BAIAP2: variants seen among roughly 807,000 people sequenced by gnomAD.
BAIAP2 encodes the protein BAR/IMD domain containing adaptor protein 2.
A neutral mutation model predicts 63.0 loss-of-function variants in BAIAP2; 18 were observed. That is an observed-to-expected ratio of 0.29 (90% CI 0.20 to 0.42). BAIAP2 has a LOEUF of 0.42. Ranked by LOEUF, BAIAP2 falls within the 10% of genes least tolerant of loss-of-function variation. The pLI, the probability that BAIAP2 is intolerant of heterozygous loss-of-function variation, is 1.00. For synonymous variants in BAIAP2, 386 were observed against 307.6 expected (o/e 1.25, Z -2.67); for missense variants, 610 against 734.3 (o/e 0.83, Z 1.96).
At chr17:81,115,596 C>T (rs557795269) in intron 13 of BAIAP2, among the ~76,000 whole-genome samples, 174 bp from the exon 14 acceptor site, 3 of 152,326 alleles carry the variant, frequency 2.0e-5, no homozygotes, top group South Asian at 2.1e-4. Flanking sequence ...TTGCAGACAG[C>T]GCCTGGTCCT....
intron 7 of BAIAP2, among the ~76,000 whole-genome samples, chr17:81,100,887 C>T (rs1417458926): frequency 1.3e-5 from 2 of 152,204 alleles, no homozygotes; most frequent in African/African-American, 2.4e-5. Context: ...TCTACCACCT[C>T]TGCCTGCACC....
Position 81,115,945 on chromosome 17 carries a change from G to T in BAIAP2, c.*106G>T. On this transcript the variant is annotated 3_prime_UTR_variant, in exon 14 of 14. Coordinates refer to ENST00000428708, the MANE Select transcript of BAIAP2 (RefSeq NM_001144888.2). ...CCTGTGTAGAGAACATCCAGGCCCC[G>T]GCTGCCTGGTCTTGCCCCACTTGAG... 1 of 1,541,616 alleles carries T rather than the reference G, an allele frequency of 6.5e-7. No homozygotes were observed. Among genetic ancestry groups the T allele is most frequent in the African/African-American group, 1.4e-5 (1 of 73,636 alleles).
intron 3 of BAIAP2, among the ~76,000 whole-genome samples, chr17:81,080,969 C>T (rs1182268820): frequency 1.3e-5 from 2 of 152,214 alleles, no homozygotes; most frequent in South Asian, 2.1e-4. Context: ...AGGGGGCCGG[C>T]GACCTCGCAA....
At chr17:81,103,399 C>T (rs1468408478) in intron 7 of BAIAP2, 103 bp from the exon 8 acceptor site, 3 of 1,111,272 alleles carry the variant, frequency 2.7e-6, no homozygotes, top group African/African-American at 1.6e-5. Context: ...TGAAGAGCAG[C>T]CTCCAGCCCC....
At position 81,075,520 on chromosome 17, in the gene BAIAP2, CCTT is replaced by C. The variant is rs557838971; in HGVS notation, c.218-9309_218-9307del. 2.7e-3 allele frequency among the ~76,000 whole-genome samples: 410 copies of C among 152,346 alleles called. 2 individuals are homozygous for C. The highest frequency in any genetic ancestry group is 5.2e-3 in the Admixed American group (80 of 15,300). On this transcript the variant is annotated intron_variant, in intron 3 of 13. Coordinates refer to ENST00000428708, the MANE Select transcript of BAIAP2 (RefSeq NM_001144888.2). ...CTGTCTTCAGGGATGAGCAGTTAAT[CCTT>C]CTCGTTCATCTGCTCACTAGACGCG...
chr17:81,109,075 G>C (rs946036082), intron 13 of BAIAP2: 2 of 1,503,310 alleles, frequency 1.3e-6, no homozygotes, highest in African/African-American at 2.8e-5. Context: ...TTCCTCCTCA[G>C]CTCTCGCTGG....
At chr17:81,073,690 C>G (rs1302920652) in intron 3 of BAIAP2, among the ~76,000 whole-genome samples, 1 of 152,188 alleles carries the variant, frequency 6.6e-6, no homozygotes, top group East Asian at 1.9e-4. Context: ...CTCTGAGATT[C>G]ACGCTCTCTC....
intron 3 of BAIAP2, among the ~76,000 whole-genome samples, chr17:81,081,850 C>G (rs960558777): frequency 5.3e-5 from 8 of 152,186 alleles, no homozygotes; most frequent in Admixed American, 4.6e-4. Flanking sequence ...ATCGCTGGGC[C>G]CTGCCCCACT....
chr17:81,078,650 T>TGGGTGCTGTGGGTGC, intron 3 of BAIAP2, among the ~76,000 whole-genome samples: 1 of 150,670 alleles, frequency 6.6e-6, no homozygotes, highest in Middle Eastern at 3.4e-3. Flanking sequence ...ATCTCCGAGC[T>TGGGTGCTGTGGGTGC]GGGTGCTGTG....
intron 3 of BAIAP2, chr17:81,082,999 G>A (rs976545184): frequency 6.6e-6 from 1 of 152,448 alleles, no homozygotes; most frequent in Admixed American, 6.5e-5. Context: ...AGTGCTCAGA[G>A]GGTCTGTGGT....
chr17:81,072,632 C>T (rs957833936), intron 3 of BAIAP2, among the ~76,000 whole-genome samples: 41 of 152,218 alleles, frequency 2.7e-4, no homozygotes, highest in African/African-American at 8.4e-4. Flanking sequence ...GACCCAAGTC[C>T]GTGGGGTCTT....
chr17:81,086,682 G>C, intron 6 of BAIAP2, 102 bp downstream of exon 6: 6 of 1,364,396 alleles, frequency 4.4e-6, no homozygotes, highest in Non-Finnish European at 5.1e-6. Flanking sequence ...CCCCCCAGGT[G>C]CGATCAGACA....
intron 3 of BAIAP2, among the ~76,000 whole-genome samples, chr17:81,071,629 T>C (rs1329545240): frequency 1.3e-5 from 2 of 152,220 alleles, no homozygotes; most frequent in African/African-American, 4.8e-5. Context: ...CAGTGTCCAC[T>C]GGCCAAAAAG....
rs1022209128 is a variant in BAIAP2, at chr17:81,110,227, G to T, written c.1535+1718G>T. On this transcript the variant is annotated intron_variant, in intron 13 of 13. Transcript: ENST00000428708. The stretch of plus-strand genomic sequence containing the variant: ...CTGGGACGTGGCTGGTAGTGTTTGT[G>T]TGGGAAGCAGCTCAAGACGCGGACC... 5.1e-6 allele frequency: 5 copies of T among 985,620 alleles called. No individual in the cohort carries two copies. In the East Asian group the frequency reaches 3.4e-4, roughly 67 times the overall value. The allele number at this position is 985,620 out of a possible 1,614,324, so 61.1% of individuals were successfully genotyped here.
intron 3 of BAIAP2, among the ~76,000 whole-genome samples, chr17:81,077,153 G>A (rs1423321150): frequency 6.6e-6 from 1 of 152,212 alleles, no homozygotes; most frequent in Non-Finnish European, 1.5e-5. Flanking sequence ...GGCAACTCCT[G>A]GTGGGCGTGG....
At chr17:81,099,722 A>G (rs1420590197) in intron 6 of BAIAP2, among the ~76,000 whole-genome samples, 2 of 151,990 alleles carry the variant, frequency 1.3e-5, no homozygotes, top group East Asian at 1.9e-4. Flanking sequence ...GGATGTGGCC[A>G]TCGGGCATCT....
At chr17:81,039,096 A>G (rs956265833) in intron 1 of BAIAP2, among the ~76,000 whole-genome samples, 2 of 152,240 alleles carry the variant, frequency 1.3e-5, no homozygotes, top group Admixed American at 1.3e-4. Flanking sequence ...GTCACTGAGT[A>G]GACCTGGCCT....
Position 81,116,150 on chromosome 17 carries a change from T to C in BAIAP2, c.*311T>C. On this transcript the variant is annotated 3_prime_UTR_variant, in exon 14 of 14. Transcript: ENST00000428708. ...GTACCCCTGAGTTAAGGGAGGACAT[T>C]TGGCCAGCTGGTGGCTGGGAGGGGA... is the stretch of plus-strand genomic sequence containing the variant. 1 of 1,600,372 alleles carries C rather than the reference T, an allele frequency of 6.2e-7. No individual in the cohort carries two copies. Among genetic ancestry groups the C allele is most frequent in the Non-Finnish European group, 8.5e-7 (1 of 1,173,722 alleles).
intron 1 of BAIAP2, among the ~76,000 whole-genome samples, chr17:81,052,593 A>AG (rs2048843393): frequency 1.3e-5 from 2 of 151,730 alleles, no homozygotes; most frequent in South Asian, 4.1e-4. Flanking sequence ...ACCTCAGGGC[A>AG]GGGGATGGAA....
Sources: allele counts gnomAD v4.1 joint callset (sites outside exome capture counted in the v4.1 genomes callset), GRCh38; gene constraint gnomAD v4.1.1; transcripts MANE v1.5; gene names NCBI Gene and HGNC (gene_info 2026-07-23, HGNC 2026-07-21).